Variants in CDH18 observed in about 807,000 individuals in gnomAD.
The protein encoded by CDH18 is cadherin-18.
A neutral mutation model predicts 67.9 loss-of-function variants in CDH18; 31 were observed. The observed-to-expected ratio is 0.46, with a 90% CI of 0.34 to 0.62. The LOEUF is 0.62. Ranked by LOEUF, CDH18 falls within the 20% of genes least tolerant of loss-of-function variation. The pLI is 0.01. For missense variants in CDH18, 890 were observed against 975.5 expected (o/e 0.91, Z 1.17); for synonymous variants, 362 against 347.2 (o/e 1.04, Z -0.48).
chr5:19,632,466 C>T (rs894850706), intron 5 of CDH18, among the ~76,000 whole-genome samples: 10 of 152,276 alleles, frequency 6.6e-5, no homozygotes, highest in Non-Finnish European at 1.3e-4. Flanking sequence ...AGTTATTTTG[C>T]CTTAATTCTT....
At chr5:19,878,789 T>C (rs1787312526) in intron 2 of CDH18, among the ~76,000 whole-genome samples, 1 of 152,110 alleles carries the variant, frequency 6.6e-6, no homozygotes. Flanking sequence ...CTATGATAAA[T>C]GTACTCTCAT....
At chr5:20,258,459 T>A (rs370572841) in intron 1 of CDH18, among the ~76,000 whole-genome samples, 1 of 151,868 alleles carries the variant, frequency 6.6e-6, no homozygotes, top group Non-Finnish European at 1.5e-5. Flanking sequence ...GAAAGGGCAA[T>A]CCTCCATGTG....
At chr5:20,452,272 T>C (rs1750506835) in intron 1 of CDH18, among the ~76,000 whole-genome samples, 2 of 152,092 alleles carry the variant, frequency 1.3e-5, no homozygotes, top group African/African-American at 4.8e-5. Flanking sequence ...AATTGTACTA[T>C]GTGTTTTTTG....
intron 3 of CDH18, among the ~76,000 whole-genome samples, chr5:19,827,730 A>C (rs1233810500): frequency 1.3e-5 from 2 of 152,194 alleles, no homozygotes; most frequent in Non-Finnish European, 2.9e-5. Context: ...TCTGGGATAC[A>C]TCTAAAGCAG....
At chr5:19,939,540 AT>A (rs1237771756) in intron 2 of CDH18, among the ~76,000 whole-genome samples, 1 of 151,746 alleles carries the variant, frequency 6.6e-6, no homozygotes, top group African/African-American at 2.4e-5. Flanking sequence ...ACTTAAGTAG[AT>A]TGAAAGTGCT....
At chr5:20,378,013 G>A (rs1485559849) in intron 1 of CDH18, among the ~76,000 whole-genome samples, 1 of 151,984 alleles carries the variant, frequency 6.6e-6, no homozygotes, top group Admixed American at 6.6e-5. Flanking sequence ...TTGGTTGCAG[G>A]AAAGCTGGCT....
At chr5:19,537,507 C>T (rs1298998690) in intron 9 of CDH18, among the ~76,000 whole-genome samples, 1 of 152,058 alleles carries the variant, frequency 6.6e-6, no homozygotes, top group Non-Finnish European at 1.5e-5. Flanking sequence ...CGCTCTGTTT[C>T]TCTGGAGAAT....
intron 2 of CDH18, among the ~76,000 whole-genome samples, chr5:20,104,925 C>G (rs569427056): frequency 6.6e-6 from 1 of 152,042 alleles, no homozygotes; most frequent in Non-Finnish European, 1.5e-5. Flanking sequence ...AGGATTTATC[C>G]CCATCTCACA....
intron 4 of CDH18, among the ~76,000 whole-genome samples, chr5:19,741,330 T>TCA (rs60803879): frequency 0.096 from 13,966 of 145,554 alleles, 688 homozygotes; most frequent in Admixed American, 0.13. Flanking sequence ...TATACATGTC[T>TCA]CACACACACA....
intron 3 of CDH18, among the ~76,000 whole-genome samples, chr5:19,770,720 A>T (rs1773640445): frequency 6.6e-6 from 1 of 152,198 alleles, no homozygotes; most frequent in Non-Finnish European, 1.5e-5. Flanking sequence ...CTAATCAAGG[A>T]ACTTCTAATA....
chr5:19,687,447 G>GA (rs1247392586), intron 5 of CDH18, among the ~76,000 whole-genome samples: 2 of 152,144 alleles, frequency 1.3e-5, no homozygotes, highest in Non-Finnish European at 2.9e-5. Flanking sequence ...ACACCCACTG[G>GA]AATGGCAGGG....
chr5:20,188,000 T>C (rs1738235904), intron 2 of CDH18, among the ~76,000 whole-genome samples: 1 of 151,842 alleles, frequency 6.6e-6, no homozygotes, highest in East Asian at 1.9e-4. Context: ...ATTAATCTTC[T>C]GTGAACCAAA....
At chr5:20,108,014 A>G (rs1223760208) in intron 2 of CDH18, among the ~76,000 whole-genome samples, 1 of 147,758 alleles carries the variant, frequency 6.8e-6, no homozygotes, top group Non-Finnish European at 1.5e-5. Flanking sequence ...GTCATATTGA[A>G]TGGGGATTAG....
intron 1 of CDH18, among the ~76,000 whole-genome samples, chr5:20,458,905 C>G (rs779715781): frequency 6.6e-6 from 1 of 152,064 alleles, no homozygotes; most frequent in African/African-American, 2.4e-5. Flanking sequence ...TGCCTATAGT[C>G]ACATAAATGT....
At chr5:19,602,225 AC>A (rs1747256166) in intron 6 of CDH18, among the ~76,000 whole-genome samples, 2 of 152,102 alleles carry the variant, frequency 1.3e-5, no homozygotes, top group African/African-American at 2.4e-5. Context: ...ATACAGACAC[AC>A]CCCCACATAC....
At chr5:20,083,177 A>T (rs562145321) in intron 2 of CDH18, among the ~76,000 whole-genome samples, 1 of 152,310 alleles carries the variant, frequency 6.6e-6, no homozygotes, top group East Asian at 1.9e-4. Flanking sequence ...GCACTTAGAG[A>T]TAGCTTCAAC....
intron 5 of CDH18, among the ~76,000 whole-genome samples, chr5:19,682,647 C>T (rs992965145): frequency 1.3e-5 from 2 of 152,054 alleles, no homozygotes; most frequent in African/African-American, 4.8e-5. Flanking sequence ...GTGAGTTACT[C>T]AATGTCTTTT....
intron 1 of CDH18, among the ~76,000 whole-genome samples, chr5:20,324,554 C>A (rs1371056011): frequency 2.0e-5 from 3 of 151,502 alleles, no homozygotes; most frequent in African/African-American, 7.3e-5. Flanking sequence ...CAAAACAAAA[C>A]AAAACATTTG....
chr5:20,501,569 A>AATATATATATATAATATATATATATT (rs1437925295), intron 1 of CDH18, among the ~76,000 whole-genome samples: 7 of 16,176 alleles, frequency 4.3e-4, no homozygotes, highest in Non-Finnish European at 1.0e-3. Context: ...ATATATATAT[A>AATATATATATATAATATATATATATT]ATATATATAT....
Sources: gnomAD v4.1 joint callset for allele counts (sites outside exome capture counted in the v4.1 genomes callset) on GRCh38, gnomAD v4.1.1 for gene constraint, MANE v1.5 for transcripts, NCBI Gene and HGNC (gene_info 2026-07-23, HGNC 2026-07-21) for gene names.